The following AGMAT variants were observed in gnomAD, a reference collection of about 807,000 sequenced individuals.
The protein encoded by AGMAT is agmatinase (putative).
AGMAT carries 37 observed loss-of-function variants against 29.3 expected under a neutral mutation model. The ratio of observed to expected loss-of-function variants is 1.26; its 90% CI spans 0.97 to 1.66. The LOEUF (loss-of-function observed/expected upper bound fraction) is 1.66. AGMAT is among the 40% of genes most tolerant of loss of function. AGMAT has a pLI of 0.00. For missense variants in AGMAT, 498 were observed against 497.8 expected (o/e 1.00, Z 0.00); for synonymous variants, 199 against 200.8 (o/e 0.99, Z 0.08).
intron 1 of AGMAT, among the ~76,000 whole-genome samples, 191 bp downstream of exon 1, chr1:15,584,505 A>G (rs867651883): frequency 6.6e-6 from 1 of 152,024 alleles, no homozygotes; most frequent in African/African-American, 2.4e-5. Flanking sequence ...GCCCATGTTG[A>G]GCCCTGGGGT....
intron 5 of AGMAT, 29 bp downstream of exon 5, chr1:15,577,656 C>G (rs372789038): frequency 1.3e-6 from 2 of 1,589,870 alleles, no homozygotes; most frequent in Non-Finnish European, 1.7e-6. Context: ...TCTCCACCCC[C>G]AGGATCTTCA....
chr1:15,578,536 C>G (rs941806526), intron 4 of AGMAT, among the ~76,000 whole-genome samples: 3 of 151,942 alleles, frequency 2.0e-5, no homozygotes, highest in African/African-American at 7.3e-5. Flanking sequence ...CTCAGGTGAT[C>G]CACCCACCTT....
At chr1:15,583,856 C>T (rs968957519) in intron 1 of AGMAT, among the ~76,000 whole-genome samples, 3 of 152,152 alleles carry the variant, frequency 2.0e-5, no homozygotes, top group Non-Finnish European at 2.9e-5. Context: ...CAGATCAGTA[C>T]GGTCAGATAT....
Position 15,572,022 on chromosome 1 carries a change from G to C in AGMAT, c.*1629C>G, listed in dbSNP as rs1260237141. ...TAGCCGGGCGTGGTGACGCATGACT[G>C]TAATTCTAGCTACTCAGGAGGCTGA... On this transcript the variant is annotated 3_prime_UTR_variant, in exon 7 of 7. Coordinates refer to ENST00000375826, the MANE Select transcript of AGMAT (RefSeq NM_024758.5). 6.6e-6 allele frequency among the ~76,000 whole-genome samples: 1 copy of C among 151,636 alleles called. No individual in the cohort carries two copies. The highest frequency in any genetic ancestry group is 2.0e-4 in the East Asian group (1 of 5,068).
rs1183969597 is a variant in AGMAT at position 15,573,608 on chromosome 1, C to T, written c.*43G>A. 1 of 1,586,006 alleles carries T rather than the reference C, an allele frequency of 6.3e-7. No homozygotes were observed. Among genetic ancestry groups the T allele is most frequent in the South Asian group, 1.1e-5 (1 of 90,470 alleles). ...CTTACTCATAAGTTCTTCTTGAGAA[C>T]TTGTCAGCGACGCAATCTGTTTTGT... is the stretch of plus-strand genomic sequence containing the variant. On this transcript the variant is annotated 3_prime_UTR_variant, in exon 7 of 7. Transcript: ENST00000375826.
At chr1:15,577,918 T>G in intron 4 of AGMAT, 54 bp from the exon 5 acceptor site, 1 of 1,562,980 alleles carries the variant, frequency 6.4e-7, no homozygotes, top group East Asian at 2.3e-5. Flanking sequence ...GGGCATTTCC[T>G]GTTTGCCAGC....
At chr1:15,577,889 CT>C in intron 4 of AGMAT, 25 bp from the exon 5 acceptor site, 1 of 1,606,792 alleles carries the variant, frequency 6.2e-7, no homozygotes, top group Non-Finnish European at 8.5e-7. Context: ...ACTGAGGTTT[CT>C]GTCTGGCAGC....
rs1012910709 is a variant in AGMAT, at chr1:15,572,018, G to A, written c.*1633C>T. ...AAATTAGCCGGGCGTGGTGACGCATGACTGTAATTCTAGCTACTCAGGAGG... is the reference window on the plus strand; with the variant it reads ...AAATTAGCCGGGCGTGGTGACGCATAACTGTAATTCTAGCTACTCAGGAGG... On this transcript the variant is annotated 3_prime_UTR_variant, in exon 7 of 7. Coordinates refer to ENST00000375826, the MANE Select transcript of AGMAT (RefSeq NM_024758.5). Among the ~76,000 whole-genome samples, 5 of 151,828 alleles carry A rather than the reference G, an allele frequency of 3.3e-5. No homozygotes were observed. The highest frequency in any genetic ancestry group is 7.4e-5 in the Non-Finnish European group (5 of 67,974).
Position 15,584,993 on chromosome 1 carries a change from G to T in AGMAT, c.-26C>A. 1 of 1,292,570 alleles carries T rather than the reference G, an allele frequency of 7.7e-7. No individual in the cohort carries two copies. Among genetic ancestry groups the T allele is most frequent in the South Asian group, 2.4e-5 (1 of 40,946 alleles). 80.1% of individuals were successfully genotyped at this position (1,292,570 alleles called of 1,614,324 possible). A position where few individuals can be genotyped will look rare whatever the true frequency, so the allele number is the denominator to read the frequency against. ...TGCCGCGCGCGGCCAAGACCTCACC[G>T]ACCAAACCGCCCGCGAGGCCGCCGC... On this transcript the variant is annotated 5_prime_UTR_variant, in exon 1 of 7. Transcript: ENST00000375826.
At chr1:15,580,347 A>G (rs1639095785) in intron 2 of AGMAT, among the ~76,000 whole-genome samples, 1 of 151,516 alleles carries the variant, frequency 6.6e-6, no homozygotes, top group South Asian at 2.1e-4. Context: ...CTGGGATTAC[A>G]GGTGTGTACC....
rs867669861 is a variant in AGMAT at position 15,571,964 on chromosome 1, G to A, written c.*1687C>T. 1.3e-5 allele frequency among the ~76,000 whole-genome samples: 2 copies of A among 151,988 alleles called. No individual in the cohort carries two copies. The highest frequency in any genetic ancestry group is 3.4e-3 in the Middle Eastern group (1 of 290). On this transcript the variant is annotated 3_prime_UTR_variant, in exon 7 of 7. Coordinates refer to ENST00000375826, the MANE Select transcript of AGMAT (RefSeq NM_024758.5). ...CCCAGCTGCCAGCCTGGCCAACATG[G>A]TGAAACCCCGTCTCTACTAAAAATA... is the stretch of plus-strand genomic sequence containing the variant.
chr1:15,575,729 T>TTTTA (rs78080274), intron 5 of AGMAT: 51,279 of 142,648 alleles, frequency 0.36, 10,718 homozygotes, highest in East Asian at 0.49. Flanking sequence ...TCACATGCAC[T>TTTTA]TTTATTTATT....
At chr1:15,583,518 T>C (rs1423167011) in intron 1 of AGMAT, 123 bp from the exon 2 acceptor site, 3 of 929,588 alleles carry the variant, frequency 3.2e-6, no homozygotes, top group Admixed American at 2.2e-5. Context: ...CATTGCATAA[T>C]GGAATGCTTA....
Position 15,584,858 on chromosome 1 carries a change from G to T in AGMAT, c.110C>A (p.Ser37Tyr), listed in dbSNP as rs1639165439. The T allele has an allele frequency of 2.8e-6, 4 of 1,419,682 alleles. No individual in the cohort carries two copies. Among genetic ancestry groups the T allele is most frequent in the Non-Finnish European group, 3.7e-6 (4 of 1,092,356 alleles). 87.9% of individuals were successfully genotyped at this position (1,419,682 alleles called of 1,614,324 possible). Residue 37 changes from serine to tyrosine, a missense_variant, in exon 1 of 7, where the codon TCC becomes TAC. By Grantham distance (144) the Ser-to-Tyr change is moderately radical. Transcript: ENST00000375826. ...GGGGGGCTGGTTCCGGGGCGCGTCG[G>T]AAGCCTGGCGGCTCTGGCGGCGCCC... The part of the protein sequence containing the change: ...HPGRRQSRQA[S>Y]DAPRNQPPSP...
chr1:15,583,322 A>C lies in AGMAT; in HGVS notation c.346T>G (p.Phe116Val). 4.3e-6 allele frequency: 7 copies of C among 1,614,150 alleles called. No homozygotes were observed. The highest frequency in any genetic ancestry group is 5.9e-6 in the Non-Finnish European group (7 of 1,180,024). Residue 116 changes from phenylalanine to valine, a missense_variant, in exon 2 of 7, where the codon TTC becomes GTC. By Grantham distance (50) the Phe-to-Val change is conservative (BLOSUM62 -1). Transcript: ENST00000375826. ...AGGTCTGCAACCATGAGGGACTGGA[A>C]GGGGAGGGCCCCCGTGCTAGGATTG... ...TVNPSTGALPFQSLMVADLGD... is the reference protein window; with the variant it reads ...TVNPSTGALPVQSLMVADLGD...
At position 15,578,935 on chromosome 1, in the gene AGMAT, T is replaced by A. The variant is rs746258655; in HGVS notation, c.644A>T (p.Asp215Val). ...GCCAATCTGCACCACACGCTTACAG[T>A]CCAGGAGACCCTCATCCACACACCG... ...FRRCVDEGLL[D>V]CKRVVQIGIR... Residue 215 changes from aspartate (D) to valine (V), a missense_variant, in exon 4 of 7, where the codon GAC (aspartate) becomes GTC (valine). Coordinates refer to ENST00000375826, the MANE Select transcript of AGMAT (RefSeq NM_024758.5). 1.2e-6 allele frequency: 2 copies of A among 1,614,070 alleles called. No individual in the cohort carries two copies. Among genetic ancestry groups the A allele is most frequent in the East Asian group, 4.5e-5 (2 of 44,864 alleles).
chr1:15,579,615 A>G (rs1255132598), intron 3 of AGMAT, among the ~76,000 whole-genome samples: 8 of 152,088 alleles, frequency 5.3e-5, no homozygotes, highest in Non-Finnish European at 1.5e-5. Context: ...CTCTTTCTCA[A>G]ACTAAATTAG....
intron 1 of AGMAT, among the ~76,000 whole-genome samples, 159 bp downstream of exon 1, chr1:15,584,537 A>T (rs1639158487): frequency 6.6e-6 from 1 of 151,984 alleles, no homozygotes; most frequent in Non-Finnish European, 1.5e-5. Context: ...GGGTCCAGGT[A>T]AATCAACCAT....
intron 1 of AGMAT, 25 bp from the exon 2 acceptor site, chr1:15,583,420 C>T (rs982206479): frequency 6.3e-7 from 1 of 1,595,246 alleles, no homozygotes; most frequent in Non-Finnish European, 8.5e-7. Context: ...ATCATCCTGT[C>T]AGCCATCATC....
Sources: allele counts gnomAD v4.1 joint callset (sites outside exome capture counted in the v4.1 genomes callset), GRCh38; gene constraint gnomAD v4.1.1; transcripts MANE v1.5; gene names NCBI Gene and HGNC (gene_info 2026-07-23, HGNC 2026-07-21).